COL25A1: variants seen among roughly 807,000 people sequenced by gnomAD.
COL25A1 encodes the protein collagen type XXV alpha 1 chain, also known as collagen alpha-1(XXV) chain.
COL25A1 carries 103 observed loss-of-function variants against 128.4 expected under a neutral mutation model. That is an observed-to-expected ratio of 0.80 (90% CI 0.68 to 0.94). The LOEUF is 0.94. Among genes scored for constraint, COL25A1 ranks in the 40% least tolerant of loss-of-function variants. COL25A1 has a pLI of 0.00. For synonymous variants in COL25A1, 279 were observed against 277.2 expected (o/e 1.01, Z -0.06); for missense variants, 745 against 840.0 (o/e 0.89, Z 1.40).
chr4:108,935,191 T>C (rs556570381), intron 11 of COL25A1, among the ~76,000 whole-genome samples: 45 of 152,152 alleles, frequency 3.0e-4, no homozygotes, highest in Admixed American at 5.2e-4. Context: ...CTCACAAATA[T>C]AATGTTGAAT....
intron 3 of COL25A1, among the ~76,000 whole-genome samples, chr4:109,263,860 C>A (rs1221706847): frequency 6.6e-6 from 1 of 152,166 alleles, no homozygotes; most frequent in Non-Finnish European, 1.5e-5. Context: ...AAACGGCACA[C>A]CTCCTCAACA....
intron 8 of COL25A1, among the ~76,000 whole-genome samples, chr4:108,959,840 A>G (rs1296660729): frequency 1.3e-5 from 2 of 152,134 alleles, no homozygotes; most frequent in Non-Finnish European, 2.9e-5. Context: ...AAAATGTAAA[A>G]TGAAGGGTGA....
At chr4:109,191,230 G>T (rs892301121) in intron 3 of COL25A1, among the ~76,000 whole-genome samples, 5 of 152,204 alleles carry the variant, frequency 3.3e-5, no homozygotes, top group African/African-American at 4.8e-5. Context: ...ATTCAGTGAT[G>T]AAATAAATTA....
chr4:108,988,825 C>T (rs1753903209), intron 6 of COL25A1, among the ~76,000 whole-genome samples: 1 of 152,222 alleles, frequency 6.6e-6, no homozygotes, highest in Non-Finnish European at 1.5e-5. Context: ...CACTTTTCCT[C>T]TGGGTCTTCG....
chr4:109,288,962 T>TATATATATACAC (rs1021982305), intron 3 of COL25A1, among the ~76,000 whole-genome samples: 2 of 133,532 alleles, frequency 1.5e-5, no homozygotes, highest in African/African-American at 5.5e-5. Flanking sequence ...AAATTATATA[T>TATATATATACAC]ACACACACAC....
chr4:109,064,428 T>C (rs1762240560), intron 3 of COL25A1, among the ~76,000 whole-genome samples: 2 of 152,220 alleles, frequency 1.3e-5, no homozygotes, highest in Non-Finnish European at 2.9e-5. Flanking sequence ...GGATAATAAG[T>C]TGATGTTAAT....
chr4:108,955,783 G>C (rs1406866517), intron 8 of COL25A1, among the ~76,000 whole-genome samples: 1 of 152,122 alleles, frequency 6.6e-6, no homozygotes, highest in African/African-American at 2.4e-5. Context: ...GTTGATAGAA[G>C]AAAGCAGTAG....
At chr4:108,952,913 T>A (rs1749633342) in intron 8 of COL25A1, among the ~76,000 whole-genome samples, 1 of 145,102 alleles carries the variant, frequency 6.9e-6, no homozygotes. Flanking sequence ...CTGGGAACTC[T>A]ATTCAGTACT....
chr4:109,296,126 C>T (rs1724957185), intron 3 of COL25A1, among the ~76,000 whole-genome samples: 2 of 152,000 alleles, frequency 1.3e-5, no homozygotes, highest in African/African-American at 2.4e-5. Flanking sequence ...ATTAAAAGTG[C>T]CTTTTTTTGT....
chr4:109,287,571 T>C (rs1301661142), intron 3 of COL25A1, among the ~76,000 whole-genome samples: 7 of 152,126 alleles, frequency 4.6e-5, no homozygotes, highest in Non-Finnish European at 1.0e-4. Flanking sequence ...ACAACCAGAA[T>C]GTAACTTGCT....
chr4:108,888,865 CA>C (rs1741121164), intron 18 of COL25A1, among the ~76,000 whole-genome samples: 1 of 152,136 alleles, frequency 6.6e-6, no homozygotes, highest in African/African-American at 2.4e-5. Context: ...CAATTATAGA[CA>C]TTTTTTTCTA....
chr4:109,066,459 T>TC (rs981256347), intron 3 of COL25A1, among the ~76,000 whole-genome samples: 2 of 152,196 alleles, frequency 1.3e-5, no homozygotes, highest in African/African-American at 4.8e-5. Context: ...CCTGCCTATC[T>TC]CCATCATCAT....
At chr4:109,219,888 AAT>A (rs1457730399) in intron 3 of COL25A1, among the ~76,000 whole-genome samples, 1 of 152,346 alleles carries the variant, frequency 6.6e-6, no homozygotes, top group South Asian at 2.1e-4. Context: ...TTAAAATAAA[AAT>A]AGTTGTACAT....
intron 8 of COL25A1, among the ~76,000 whole-genome samples, chr4:108,966,856 A>T (rs1370052981): frequency 1.3e-5 from 2 of 151,478 alleles, no homozygotes; most frequent in Non-Finnish European, 2.9e-5. Flanking sequence ...GTCTTAAAAG[A>T]AAAGAAAGAA....
At chr4:109,001,133 C>G (rs1354767003) in intron 6 of COL25A1, among the ~76,000 whole-genome samples, 1 of 152,028 alleles carries the variant, frequency 6.6e-6, no homozygotes, top group Non-Finnish European at 1.5e-5. Flanking sequence ...AAATGAAAAC[C>G]ATTAAGACTC....
intron 6 of COL25A1, among the ~76,000 whole-genome samples, chr4:108,992,646 A>T (rs1014795134): frequency 6.6e-6 from 1 of 152,190 alleles, no homozygotes; most frequent in South Asian, 2.1e-4. Flanking sequence ...TTAAATATCA[A>T]TGTAAATAAA....
intron 3 of COL25A1, among the ~76,000 whole-genome samples, chr4:109,053,484 G>A (rs1230731510): frequency 1.3e-5 from 2 of 152,094 alleles, no homozygotes; most frequent in Non-Finnish European, 2.9e-5. Flanking sequence ...GTACCTAGAA[G>A]GAAACATATG....
At chr4:108,892,285 G>C (rs978276872) in intron 16 of COL25A1, among the ~76,000 whole-genome samples, 8 of 152,122 alleles carry the variant, frequency 5.3e-5, no homozygotes, top group African/African-American at 1.9e-4. Context: ...ACTATGAGAA[G>C]ATACTTGAGA....
At chr4:108,839,662 A>T (rs1734198060) in intron 31 of COL25A1, among the ~76,000 whole-genome samples, 1 of 152,208 alleles carries the variant, frequency 6.6e-6, no homozygotes, top group Non-Finnish European at 1.5e-5. Flanking sequence ...AATTAGGGGC[A>T]AATAACCTAA....
Sources: gnomAD v4.1 joint callset for allele counts (sites outside exome capture counted in the v4.1 genomes callset) on GRCh38, gnomAD v4.1.1 for gene constraint, MANE v1.5 for transcripts, NCBI Gene and HGNC (gene_info 2026-07-23, HGNC 2026-07-21) for gene names.